The following KCNN2 variants were observed in gnomAD, a reference collection of about 807,000 sequenced individuals.
KCNN2 encodes the protein small conductance calcium-activated potassium channel protein 2.
A neutral mutation model predicts 55.5 loss-of-function variants in KCNN2; 24 were observed. That is an observed-to-expected ratio of 0.43 (90% CI 0.31 to 0.61). KCNN2 has a LOEUF of 0.61. KCNN2 is among the 20% of genes least tolerant of loss of function. The probability of loss-of-function intolerance (pLI) is 0.08; values close to 1 mark genes in which losing one functional copy is unlikely to be tolerated. For synonymous variants in KCNN2, 431 were observed against 336.1 expected, an observed-to-expected ratio of 1.28 and a Z score of -3.09; for missense variants, 754 against 853.6, an observed-to-expected ratio of 0.88 and a Z score of 1.45.
intron 1 of KCNN2, among the ~76,000 whole-genome samples, chr5:114,192,333 A>C (rs1175127086): frequency 6.6e-6 from 1 of 152,198 alleles, no homozygotes; most frequent in East Asian, 1.9e-4. Context: ...GATAAATCAC[A>C]GTGACTTAGA....
chr5:114,125,509 C>T (rs1352221022), intron 1 of KCNN2, among the ~76,000 whole-genome samples: 1 of 152,144 alleles, frequency 6.6e-6, no homozygotes, highest in African/African-American at 2.4e-5. Flanking sequence ...CTTTTATCAC[C>T]TTGCTTTCTA....
At chr5:114,153,121 C>T (rs533281568) in intron 1 of KCNN2, among the ~76,000 whole-genome samples, 2 of 152,242 alleles carry the variant, frequency 1.3e-5, no homozygotes, top group East Asian at 1.9e-4. Flanking sequence ...AAACTGAAAA[C>T]GTTGGGGCTT....
chr5:114,073,781 G>C (rs899607449), intron 1 of KCNN2, among the ~76,000 whole-genome samples: 9 of 152,168 alleles, frequency 5.9e-5, no homozygotes, highest in Non-Finnish European at 1.0e-4. Context: ...AATTTTTGAA[G>C]TAAATTGAAT....
chr5:114,253,355 A>T (rs1443138428), intron 2 of KCNN2, among the ~76,000 whole-genome samples: 1 of 152,184 alleles, frequency 6.6e-6, no homozygotes, highest in Non-Finnish European at 1.5e-5. Context: ...ACTGGAATTT[A>T]GCTTTCTACC....
chr5:114,414,360 T>A (rs1229638087), intron 3 of KCNN2, among the ~76,000 whole-genome samples: 5 of 152,142 alleles, frequency 3.3e-5, no homozygotes, highest in African/African-American at 1.2e-4. Flanking sequence ...TAGTATTGTA[T>A]CCCCAAGCTG....
At chr5:114,311,725 C>A (rs949822819) in intron 2 of KCNN2, among the ~76,000 whole-genome samples, 1 of 152,090 alleles carries the variant, frequency 6.6e-6, no homozygotes, top group Non-Finnish European at 1.5e-5. Flanking sequence ...CTAATAAGGT[C>A]TTTCTGCATA....
intron 2 of KCNN2, among the ~76,000 whole-genome samples, chr5:114,257,963 A>G (rs1561543452): frequency 6.6e-6 from 1 of 152,078 alleles, no homozygotes. Context: ...ATTCAGTATG[A>G]TGTTGGTGGT....
chr5:114,351,935 C>T (rs985914825), intron 2 of KCNN2, among the ~76,000 whole-genome samples: 5 of 151,622 alleles, frequency 3.3e-5, no homozygotes, highest in African/African-American at 1.2e-4. Flanking sequence ...CAGGGTAATA[C>T]TGGCCTTTTA....
rs559152398 is a variant in KCNN2 at position 114,317,752 on chromosome 5, G to A, written c.-184-43193G>A. Among the ~76,000 whole-genome samples, 9 of 152,308 alleles carry A rather than the reference G, an allele frequency of 5.9e-5. No individual in the cohort carries two copies. In the South Asian group the frequency reaches 1.7e-3, roughly 28 times the overall value. ...CTCAGGTGACAATTCAGAGCAAAGA[G>A]ATGAAATACCAGTAGAAATAAAAGT... On this transcript the variant is annotated intron_variant, in intron 2 of 10. Coordinates refer to the KCNN2 transcript ENST00000512097.
At chr5:114,138,158 C>T (rs1752208504) in intron 1 of KCNN2, among the ~76,000 whole-genome samples, 2 of 152,256 alleles carry the variant, frequency 1.3e-5, no homozygotes, top group African/African-American at 2.4e-5. Context: ...ACCCACAACA[C>T]ATTGACAGTG....
chr5:114,308,228 G>A (rs558558021), intron 2 of KCNN2, among the ~76,000 whole-genome samples: 1 of 152,256 alleles, frequency 6.6e-6, no homozygotes, highest in Admixed American at 6.5e-5. Context: ...CTATTTGACT[G>A]GTAGGGGATC....
intron 2 of KCNN2, among the ~76,000 whole-genome samples, chr5:114,269,684 C>T (rs995376500): frequency 3.3e-5 from 5 of 152,046 alleles, no homozygotes; most frequent in Non-Finnish European, 7.3e-5. Context: ...AGGTAGGATC[C>T]GGTTGACTGT....
At chr5:114,081,441 A>G (rs1750818214) in intron 1 of KCNN2, among the ~76,000 whole-genome samples, 1 of 152,220 alleles carries the variant, frequency 6.6e-6, no homozygotes, top group African/African-American at 2.4e-5. Flanking sequence ...ACAGACATAC[A>G]GACCAATGGA....
chr5:114,097,631 T>G (rs146585735), intron 1 of KCNN2, among the ~76,000 whole-genome samples: 22 of 152,292 alleles, frequency 1.4e-4, no homozygotes, highest in Non-Finnish European at 2.8e-4. Flanking sequence ...ACGTCTCTTG[T>G]TTTCTTTTGC....
chr5:114,163,853 G>T (rs1210557096), intron 1 of KCNN2, among the ~76,000 whole-genome samples: 2 of 152,194 alleles, frequency 1.3e-5, no homozygotes, highest in Non-Finnish European at 1.5e-5. Flanking sequence ...GGTTGCTATG[G>T]CTGTTATTAA....
intron 2 of KCNN2, among the ~76,000 whole-genome samples, chr5:114,368,792 A>G (rs1757679349): frequency 6.6e-6 from 1 of 152,148 alleles, no homozygotes; most frequent in African/African-American, 2.4e-5. Context: ...CGGAATATTT[A>G]GGAATACACC....
chr5:114,089,344 TC>T (rs1274788249), intron 1 of KCNN2, among the ~76,000 whole-genome samples: 35 of 152,180 alleles, frequency 2.3e-4, no homozygotes, highest in African/African-American at 8.2e-4. Flanking sequence ...CCCGGCTTAG[TC>T]CTATTCCTAA....
At chr5:114,489,829 G>A (rs1451585078) in intron 6 of KCNN2, among the ~76,000 whole-genome samples, 3 of 152,202 alleles carry the variant, frequency 2.0e-5, no homozygotes, top group East Asian at 1.9e-4. Flanking sequence ...CTTATCTGTC[G>A]GCACTGGGTA....
At chr5:114,369,092 A>G (rs1757688764) in intron 2 of KCNN2, among the ~76,000 whole-genome samples, 1 of 152,166 alleles carries the variant, frequency 6.6e-6, no homozygotes, top group Non-Finnish European at 1.5e-5. Context: ...GGGAGTTTGC[A>G]TTTTAAATGG....
Sources: gnomAD v4.1 joint callset for allele counts (sites outside exome capture counted in the v4.1 genomes callset) on GRCh38, gnomAD v4.1.1 for gene constraint, MANE v1.5 for transcripts, NCBI Gene and HGNC (gene_info 2026-07-23, HGNC 2026-07-21) for gene names.